BBX: variants seen among roughly 807,000 people sequenced by gnomAD.
The protein encoded by BBX is BBX high mobility group box domain containing, also known as HMG box transcription factor BBX.
BBX carries 30 observed loss-of-function variants against 100.2 expected under a neutral mutation model. That is an observed-to-expected ratio of 0.30 (90% CI 0.22 to 0.41). The LOEUF (loss-of-function observed/expected upper bound fraction) is 0.41, where lower values mean the gene tolerates loss of function less well. Among genes scored for constraint, BBX ranks in the 10% least tolerant of loss-of-function variants. The pLI is 1.00. For missense variants in BBX, 1,023 were observed against 1,129.8 expected, an observed-to-expected ratio of 0.91 and a Z score of 1.35; for synonymous variants, 376 against 388.1, an observed-to-expected ratio of 0.97 and a Z score of 0.37.
intron 2 of BBX, among the ~76,000 whole-genome samples, chr3:107,637,712 G>A (rs1260824283): frequency 6.6e-6 from 1 of 152,164 alleles, no homozygotes; most frequent in Non-Finnish European, 1.5e-5. Flanking sequence ...GCAATGTGAA[G>A]ACCTGGGATG....
intron 13 of BBX, 125 bp from the exon 14 acceptor site, chr3:107,789,662 A>G (rs571725875): frequency 1.6e-6 from 1 of 636,556 alleles, no homozygotes; most frequent in African/African-American, 1.8e-5. Context: ...ATGCAAGATG[A>G]CATTTATTGA....
At chr3:107,614,689 T>C (rs2055120507) in intron 2 of BBX, among the ~76,000 whole-genome samples, 2 of 152,218 alleles carry the variant, frequency 1.3e-5, no homozygotes, top group Admixed American at 6.5e-5. Flanking sequence ...GTAAATGCCA[T>C]GTAAATCATT....
intron 3 of BBX, among the ~76,000 whole-genome samples, chr3:107,702,938 C>T (rs192195087): frequency 6.6e-6 from 1 of 152,156 alleles, no homozygotes; most frequent in East Asian, 1.9e-4. Context: ...GGCACCAGCC[C>T]AGCAGGAGGT....
At position 107,707,009 on chromosome 3, in the gene BBX, A is replaced by G. The variant is rs143692513; in HGVS notation, c.-9-3443A>G. Among the ~76,000 whole-genome samples the G allele has an allele frequency of 1.1e-4, 16 of 152,350 alleles. 1 individual carries two copies. Among genetic ancestry groups the G allele is most frequent in the Admixed American group, 9.8e-4 (15 of 15,310 alleles). On this transcript the variant is annotated intron_variant, in intron 3 of 17. Transcript: ENST00000325805. ...AACATAGATCCATAAGGAATTAAGA[A>G]AGAATTAGATAACTATAAATTATTA...
intron 2 of BBX, among the ~76,000 whole-genome samples, chr3:107,566,048 G>A (rs536573988): frequency 5.4e-4 from 82 of 151,738 alleles, no homozygotes; most frequent in Non-Finnish European, 8.8e-4. Context: ...GGTGGTGGAT[G>A]CCTGTAATCC....
At chr3:107,548,027 C>T (rs1286893164) in intron 2 of BBX, among the ~76,000 whole-genome samples, 1 of 152,092 alleles carries the variant, frequency 6.6e-6, no homozygotes, top group African/African-American at 2.4e-5. Context: ...CAATTCTGGG[C>T]TCAGCCACAC....
intron 2 of BBX, among the ~76,000 whole-genome samples, chr3:107,623,896 C>G (rs761372166): frequency 1.3e-5 from 2 of 152,100 alleles, no homozygotes; most frequent in African/African-American, 4.8e-5. Context: ...TTTACAGACT[C>G]TCGTCTGTAA....
chr3:107,664,875 CA>C (rs2058659008), intron 3 of BBX, among the ~76,000 whole-genome samples: 1 of 152,180 alleles, frequency 6.6e-6, no homozygotes, highest in Non-Finnish European at 1.5e-5. Flanking sequence ...TTCTGTATTG[CA>C]AAAGTTCCAA....
Position 107,775,024 on chromosome 3 carries a change from A to G in BBX, c.2054+167A>G, listed in dbSNP as rs145049363. Reference sequence around the variant, plus strand: ...AGTGAACACAAATCAAGTGCATCACATCATTCCTGCTGTTAACATGGTCAT... The same window carrying G: ...AGTGAACACAAATCAAGTGCATCACGTCATTCCTGCTGTTAACATGGTCAT... On this transcript the variant is annotated intron_variant, in intron 12 of 17. Transcript: ENST00000325805. Among the ~76,000 whole-genome samples, 561 of 152,354 alleles carry G rather than the reference A, an allele frequency of 3.7e-3. 3 individuals are homozygous for G. The highest frequency in any genetic ancestry group is 5.6e-3 in the Non-Finnish European group (380 of 68,026).
At chr3:107,571,259 A>G (rs934936051) in intron 2 of BBX, among the ~76,000 whole-genome samples, 4 of 152,044 alleles carry the variant, frequency 2.6e-5, no homozygotes, top group Admixed American at 1.3e-4. Flanking sequence ...TGTCCCCGCA[A>G]TTGACTTGTC....
chr3:107,707,189 C>A (rs1005834716), intron 3 of BBX, among the ~76,000 whole-genome samples: 1 of 152,158 alleles, frequency 6.6e-6, no homozygotes, highest in Non-Finnish European at 1.5e-5. Context: ...TTGTTCCAGG[C>A]CCTGTACTAG....
chr3:107,642,724 A>C (rs1419188002), intron 2 of BBX, among the ~76,000 whole-genome samples: 7 of 152,182 alleles, frequency 4.6e-5, no homozygotes, highest in Non-Finnish European at 5.9e-5. Flanking sequence ...TTTTTCTAGC[A>C]GTATGGCTAT....
intron 2 of BBX, among the ~76,000 whole-genome samples, chr3:107,560,093 C>T (rs1268866339): frequency 2.6e-5 from 4 of 151,878 alleles, no homozygotes; most frequent in East Asian, 1.9e-4. Flanking sequence ...TTTTCCTCGT[C>T]GACTCACATG....
chr3:107,634,054 T>G (rs1202317142), intron 2 of BBX, among the ~76,000 whole-genome samples: 1 of 152,222 alleles, frequency 6.6e-6, no homozygotes, highest in Non-Finnish European at 1.5e-5. Context: ...TGCTTTTCAG[T>G]TAAGGTAGGC....
At chr3:107,702,764 A>G (rs747465959) in intron 3 of BBX, among the ~76,000 whole-genome samples, 5 of 152,230 alleles carry the variant, frequency 3.3e-5, no homozygotes, top group Non-Finnish European at 7.3e-5. Context: ...GGTGCTCAGA[A>G]AGGAGAGAGA....
At chr3:107,755,085 A>T (rs1252658380) in intron 9 of BBX, among the ~76,000 whole-genome samples, 1 of 152,230 alleles carries the variant, frequency 6.6e-6, no homozygotes, top group Non-Finnish European at 1.5e-5. Context: ...ATACTCTGAA[A>T]GCCAGGGTCA....
At chr3:107,641,703 G>A (rs957414266) in intron 2 of BBX, 1 of 152,200 alleles carries the variant, frequency 6.6e-6, no homozygotes, top group African/African-American at 2.4e-5. Flanking sequence ...TGCCAAGGTA[G>A]GGGTGGGAAA....
chr3:107,664,670 A>G (rs2058648247), intron 3 of BBX, among the ~76,000 whole-genome samples: 1 of 152,238 alleles, frequency 6.6e-6, no homozygotes, highest in Non-Finnish European at 1.5e-5. Flanking sequence ...TTGCCTCCAG[A>G]AAACCTTATC....
intron 2 of BBX, among the ~76,000 whole-genome samples, chr3:107,561,418 A>G (rs530422286): frequency 6.6e-6 from 1 of 152,352 alleles, no homozygotes; most frequent in South Asian, 2.1e-4. Context: ...CATCTGCATA[A>G]GGACTTATGT....
Sources: allele counts gnomAD v4.1 joint callset (sites outside exome capture counted in the v4.1 genomes callset), GRCh38; gene constraint gnomAD v4.1.1; transcripts MANE v1.5; gene names NCBI Gene and HGNC (gene_info 2026-07-23, HGNC 2026-07-21).